The following TTC39C variants were observed in gnomAD, a reference collection of about 807,000 sequenced individuals.
TTC39C encodes the protein tetratricopeptide repeat protein 39C.
Under a neutral mutation model 76.3 loss-of-function variants are expected in TTC39C, and 33 were observed. The observed-to-expected ratio is 0.43, with a 90% CI of 0.33 to 0.58. The LOEUF (loss-of-function observed/expected upper bound fraction) is 0.58, where lower values mean the gene tolerates loss of function less well. Among genes scored for constraint, TTC39C ranks in the 20% least tolerant of loss-of-function variants. The pLI is 0.04. For missense variants in TTC39C, 595 were observed against 701.4 expected (o/e 0.85, Z 1.71); for synonymous variants, 254 against 260.6 (o/e 0.97, Z 0.24).
chr18:24,022,754 G>A (rs1190193014), intron 1 of TTC39C: 4 of 985,388 alleles, frequency 4.1e-6, no homozygotes, highest in East Asian at 1.1e-4. Flanking sequence ...CCTGGCCTCC[G>A]ATGTCCTGTG....
At chr18:23,995,194 G>A (rs1275566309) in intron 1 of TTC39C, among the ~76,000 whole-genome samples, 2 of 152,150 alleles carry the variant, frequency 1.3e-5, no homozygotes, top group Non-Finnish European at 2.9e-5. Flanking sequence ...TCGGCCAGGC[G>A]TGGTAGCTCA....
At chr18:24,031,465 GC>G (rs1408164075) in intron 1 of TTC39C, among the ~76,000 whole-genome samples, 4 of 152,150 alleles carry the variant, frequency 2.6e-5, no homozygotes, top group African/African-American at 9.7e-5. Context: ...TTCTTCCGGG[GC>G]TCTCAGGCTC....
At chr18:24,045,892 A>AAAAAAAAAAAAAAAATATAT (rs1435790388) in intron 1 of TTC39C, among the ~76,000 whole-genome samples, 1 of 61,230 alleles carries the variant, frequency 1.6e-5, no homozygotes, top group African/African-American at 8.9e-5. Context: ...CTTCTGTGAA[A>AAAAAAAAAAAAAAAATATAT]ATATATATAT....
At chr18:24,107,894 G>GGGA (rs1555776855) in intron 6 of TTC39C, among the ~76,000 whole-genome samples, 1 of 145,380 alleles carries the variant, frequency 6.9e-6, no homozygotes, top group Non-Finnish European at 1.5e-5. Context: ...AAGTAGGGGG[G>GGGA]GGGGTACAGG....
At chr18:24,039,216 C>A (rs2083764711) in intron 1 of TTC39C, among the ~76,000 whole-genome samples, 2 of 152,264 alleles carry the variant, frequency 1.3e-5, no homozygotes, top group South Asian at 4.1e-4. Flanking sequence ...TTAGCAGAGC[C>A]AGGACTTGAA....
intron 4 of TTC39C, among the ~76,000 whole-genome samples, chr18:24,073,532 C>T (rs900937830): frequency 1.1e-4 from 17 of 149,174 alleles, no homozygotes; most frequent in African/African-American, 4.0e-4. Flanking sequence ...AATCCTGGTT[C>T]TTTTTTTTTT....
At position 24,113,890 on chromosome 18, in the gene TTC39C, G is replaced by A. The variant is rs527363529; in HGVS notation, c.985-664G>A. On this transcript the variant is annotated intron_variant, in intron 6 of 13. Coordinates refer to ENST00000317571, the MANE Select transcript of TTC39C (RefSeq NM_001135993.2). ...CAGTGTTATGTGAATGAAAGTGTTG[G>A]AAATGTAATCTGGATCCTCAGGGAA... 101 of 548,906 alleles carry A rather than the reference G, an allele frequency of 1.8e-4. 2 individuals carry two copies. In the South Asian group the frequency reaches 2.0e-3, roughly 11 times the overall value. 34.0% of individuals were successfully genotyped at this position (548,906 alleles called of 1,614,324 possible). A position where few individuals can be genotyped will look rare whatever the true frequency, so the allele number is the denominator to read the frequency against.
At chr18:24,041,454 C>T (rs915127336) in intron 1 of TTC39C, among the ~76,000 whole-genome samples, 3 of 152,124 alleles carry the variant, frequency 2.0e-5, no homozygotes, top group Non-Finnish European at 2.9e-5. Context: ...GCGTGTTAAC[C>T]GTGTAAGAGA....
Position 24,128,991 on chromosome 18 carries a change from GT to G in TTC39C, c.1518+10del. Reference sequence around the variant, plus strand: ...TCAGAAGATGCTGTTCAGGTAAACTGTTAATGTTGTCAGGGCTAAAGAAAAT... The same window carrying G: ...TCAGAAGATGCTGTTCAGGTAAACTGTAATGTTGTCAGGGCTAAAGAAAAT... On this transcript the variant is annotated intron_variant, in intron 11 of 13. Coordinates refer to ENST00000317571, the MANE Select transcript of TTC39C (RefSeq NM_001135993.2). 6.2e-7 allele frequency: 1 copy of G among 1,609,152 alleles called. No individual in the cohort carries two copies. Among genetic ancestry groups the G allele is most frequent in the Non-Finnish European group, 8.5e-7 (1 of 1,176,676 alleles).
At chr18:24,109,781 G>T (rs1285077184) in intron 6 of TTC39C, among the ~76,000 whole-genome samples, 1 of 152,082 alleles carries the variant, frequency 6.6e-6, no homozygotes, top group African/African-American at 2.4e-5. Context: ...GAGGGAGGCG[G>T]ATCACTTGAG....
intron 1 of TTC39C, chr18:24,016,765 G>C (rs924470959): frequency 5.0e-6 from 2 of 398,422 alleles, no homozygotes; most frequent in South Asian, 2.5e-4. Context: ...GGTGTCCAGG[G>C]AATATTTACC....
intron 5 of TTC39C, among the ~76,000 whole-genome samples, chr18:24,082,361 T>C (rs2084388019): frequency 6.6e-6 from 1 of 152,170 alleles, no homozygotes; most frequent in Non-Finnish European, 1.5e-5. Context: ...TTTGTGTCTG[T>C]GGTTTCCATA....
chr18:24,081,043 G>A (rs751659842), intron 5 of TTC39C, 104 bp downstream of exon 5: 7 of 1,037,560 alleles, frequency 6.7e-6, no homozygotes, highest in African/African-American at 1.6e-5. Context: ...TGTTTGGTTG[G>A]TTGACAGGGT....
At chr18:24,032,890 AAAATAGCTTT>A (rs1307677709) in intron 1 of TTC39C, among the ~76,000 whole-genome samples, 2 of 152,384 alleles carry the variant, frequency 1.3e-5, no homozygotes, top group Admixed American at 1.3e-4. Context: ...ACAGAAAAGT[AAAATAGCTTT>A]AAATTGGCAA....
intron 1 of TTC39C, among the ~76,000 whole-genome samples, chr18:24,031,709 T>C (rs1393545841): frequency 6.6e-6 from 1 of 152,102 alleles, no homozygotes; most frequent in Non-Finnish European, 1.5e-5. Context: ...TCCACCAGAG[T>C]GATCTCTTCA....
intron 8 of TTC39C, among the ~76,000 whole-genome samples, chr18:24,122,531 CTA>C (rs2084982605): frequency 8.2e-6 from 1 of 122,174 alleles, no homozygotes; most frequent in Non-Finnish European, 1.7e-5. Context: ...GAAGAGGGAA[CTA>C]GCAAGTCAAC....
intron 6 of TTC39C, among the ~76,000 whole-genome samples, chr18:24,095,515 A>G (rs778911870): frequency 6.6e-6 from 1 of 152,154 alleles, no homozygotes; most frequent in Non-Finnish European, 1.5e-5. Flanking sequence ...CCTGGCTAAC[A>G]TGGTGAAACC....
intron 7 of TTC39C, among the ~76,000 whole-genome samples, chr18:24,116,500 T>A (rs572915528): frequency 6.6e-6 from 1 of 152,244 alleles, no homozygotes; most frequent in South Asian, 2.1e-4. Flanking sequence ...TGACCTGAGA[T>A]CCCACCACTG....
chr18:24,132,465 ATC>A lies in TTC39C; in HGVS notation c.1663-18_1663-17del. The A allele has an allele frequency of 6.2e-7, 1 of 1,611,648 alleles. No homozygotes were observed. Among genetic ancestry groups the A allele is most frequent in the Non-Finnish European group, 8.5e-7 (1 of 1,178,134 alleles). On this transcript the variant is annotated intron_variant, in intron 13 of 13. Transcript: ENST00000317571. Reference sequence around the variant, plus strand: ...AGCTTAGCTAACAGAGTGCATAAATATCTTTCTTTGATCTTACAGGAGGATTT... The same window carrying A: ...AGCTTAGCTAACAGAGTGCATAAATATTTCTTTGATCTTACAGGAGGATTT...
Sources: gnomAD v4.1 joint callset for allele counts (sites outside exome capture counted in the v4.1 genomes callset) on GRCh38, gnomAD v4.1.1 for gene constraint, MANE v1.5 for transcripts, NCBI Gene and HGNC (gene_info 2026-07-23, HGNC 2026-07-21) for gene names.